Variants in UBE2K observed in about 807,000 individuals in gnomAD.
The protein encoded by UBE2K is ubiquitin conjugating enzyme E2 K, also known as ubiquitin-conjugating enzyme E2 K.
In UBE2K, 6 loss-of-function variants were observed where a neutral mutation model predicts 30.0. That is an observed-to-expected ratio of 0.20 (90% confidence interval 0.11 to 0.39). The LOEUF is 0.39. Ranked by LOEUF, UBE2K falls within the 10% of genes least tolerant of loss-of-function variation. The probability of loss-of-function intolerance (pLI) is 1.00; values close to 1 mark genes in which losing one functional copy is unlikely to be tolerated. For missense variants in UBE2K, 61 were observed against 241.6 expected (o/e 0.25, Z 4.96); for synonymous variants, 86 against 83.7 (o/e 1.03, Z -0.15).
chr4:39,714,309 T>C, intron 1 of UBE2K: 1 of 202,776 alleles, frequency 4.9e-6, no homozygotes. Context: ...CCATCCAGTT[T>C]CTCTTGCCCA....
chr4:39,770,763 C>G, intron 4 of UBE2K: 4 of 1,582,692 alleles, frequency 2.5e-6, no homozygotes, highest in Non-Finnish European at 3.4e-6. Context: ...TCCCAGGCCT[C>G]CAGGGGGCTT....
chr4:39,748,504 G>T (rs1210002218), intron 3 of UBE2K, among the ~76,000 whole-genome samples: 1 of 152,024 alleles, frequency 6.6e-6, no homozygotes, highest in Non-Finnish European at 1.5e-5. Context: ...ACCTGGCCAG[G>T]CATGGTGGCT....
intron 3 of UBE2K, among the ~76,000 whole-genome samples, chr4:39,748,815 TAAC>T (rs1207792290): frequency 1.3e-5 from 2 of 151,664 alleles, no homozygotes; most frequent in Non-Finnish European, 2.9e-5. Context: ...TTTTTTTAAA[TAAC>T]AAAAAAAAAT....
chr4:39,771,467 T>G, intron 4 of UBE2K: 1 of 1,534,940 alleles, frequency 6.5e-7, no homozygotes, highest in Non-Finnish European at 8.7e-7. Context: ...CTGGCCCGGT[T>G]CCGCGCGCTG....
chr4:39,772,829 A>G (rs536313977), intron 4 of UBE2K, among the ~76,000 whole-genome samples: 5 of 151,820 alleles, frequency 3.3e-5, no homozygotes, highest in African/African-American at 1.2e-4. Flanking sequence ...CTGGGATTAC[A>G]GGCACATGCC....
intron 3 of UBE2K, among the ~76,000 whole-genome samples, chr4:39,749,507 T>TAAACA (rs869184324): frequency 3.4e-5 from 5 of 145,222 alleles, no homozygotes; most frequent in African/African-American, 1.3e-4. Flanking sequence ...TGCCAAAAAC[T>TAAACA]AAACAAAACA....
chr4:39,771,387 G>A lies in UBE2K; in HGVS notation c.300-3447G>A, dbSNP rs553022185. 92 of 1,612,038 alleles carry A rather than the reference G, an allele frequency of 5.7e-5. No homozygotes were observed. In the African/African-American group the frequency reaches 9.1e-4, roughly 16 times the overall value. On this transcript the variant is annotated intron_variant, in intron 4 of 6. Coordinates refer to ENST00000261427, the MANE Select transcript of UBE2K (RefSeq NM_005339.5). ...GCTTGTTCATGTTCCGTAGCGTAGC[G>A]GCCTAGTGGCCGGGCAGCTGGAAGC...
intron 1 of UBE2K, among the ~76,000 whole-genome samples, chr4:39,736,079 C>T (rs963627673): frequency 1.3e-5 from 2 of 150,920 alleles, no homozygotes; most frequent in Non-Finnish European, 2.9e-5. Flanking sequence ...ATCTAGTAAT[C>T]AAGTTTAAGA....
At chr4:39,725,757 T>A (rs1256814260) in intron 1 of UBE2K, among the ~76,000 whole-genome samples, 1 of 152,152 alleles carries the variant, frequency 6.6e-6, no homozygotes, top group Admixed American at 6.6e-5. Flanking sequence ...ACCCTCCTGC[T>A]TCAGCCTCCT....
At chr4:39,770,521 C>G (rs1377371636) in intron 4 of UBE2K, 2 of 1,605,646 alleles carry the variant, frequency 1.2e-6, no homozygotes, top group South Asian at 2.2e-5. Flanking sequence ...TGGCTGCCCC[C>G]CGCCCCCCGG....
intron 4 of UBE2K, among the ~76,000 whole-genome samples, chr4:39,773,547 T>C (rs1389017318): frequency 6.6e-6 from 1 of 152,152 alleles, no homozygotes; most frequent in Non-Finnish European, 1.5e-5. Flanking sequence ...AAAGAAAGCC[T>C]CACATGCTAT....
At chr4:39,755,603 C>A in intron 3 of UBE2K, 54 bp from the exon 4 acceptor site, 1 of 1,299,024 alleles carries the variant, frequency 7.7e-7, no homozygotes, top group Non-Finnish European at 1.1e-6. Flanking sequence ...TGTAGTTCTA[C>A]TTAAACTGTT....
chr4:39,778,490 T>C lies in UBE2K; in HGVS notation c.*56T>C. ...TGCCTCTTCTTGAGGAGCACCAACA[T>C]CTGTTATTTTTAGGATTCTGCATAG... On this transcript the variant is annotated 3_prime_UTR_variant, in exon 7 of 7. Transcript: ENST00000261427. 8.5e-7 allele frequency: 1 copy of C among 1,171,364 alleles called. No homozygotes were observed. The highest frequency in any genetic ancestry group is 1.3e-6 in the Non-Finnish European group (1 of 792,848). The allele number at this position is 1,171,364 out of a possible 1,614,324, so 72.6% of individuals were successfully genotyped here. A position where few individuals can be genotyped will look rare whatever the true frequency, so the allele number is the denominator to read the frequency against.
chr4:39,763,151 C>T (rs552564406), intron 4 of UBE2K, among the ~76,000 whole-genome samples: 2 of 149,266 alleles, frequency 1.3e-5, no homozygotes, highest in Admixed American at 1.3e-4. Flanking sequence ...CCATGTTGGC[C>T]AGGCTGGTCT....
At chr4:39,763,111 A>G (rs546067611) in intron 4 of UBE2K, among the ~76,000 whole-genome samples, 17 of 136,938 alleles carry the variant, frequency 1.2e-4, no homozygotes, top group African/African-American at 4.4e-4. Flanking sequence ...CCCAGCTAAT[A>G]TTTGTGTTTT....
At position 39,703,118 on chromosome 4, in the gene UBE2K, G is replaced by A. The variant is rs1015404741; in HGVS notation, c.63+4728G>A. Among the ~76,000 whole-genome samples, 11 of 152,076 alleles carry A rather than the reference G, an allele frequency of 7.2e-5. 1 individual carries two copies. Among genetic ancestry groups the A allele is most frequent in the Non-Finnish European group, 1.3e-4 (9 of 67,994 alleles). On this transcript the variant is annotated intron_variant, in intron 1 of 6. Coordinates refer to ENST00000261427, the MANE Select transcript of UBE2K (RefSeq NM_005339.5). ...AAGCCATTCTGCCTCAGCCTCCCGAGTAGCTTGGATTACAGGCGCCTACTA... is the reference window on the plus strand; with the variant it reads ...AAGCCATTCTGCCTCAGCCTCCCGAATAGCTTGGATTACAGGCGCCTACTA...
intron 1 of UBE2K, among the ~76,000 whole-genome samples, chr4:39,708,337 CAT>C (rs1375392750): frequency 6.6e-6 from 1 of 152,052 alleles, no homozygotes; most frequent in Non-Finnish European, 1.5e-5. Context: ...CATACTCAAA[CAT>C]AGTTTTAGAG....
intron 1 of UBE2K, among the ~76,000 whole-genome samples, chr4:39,702,534 G>A (rs982684769): frequency 2.0e-5 from 3 of 152,054 alleles, no homozygotes; most frequent in African/African-American, 7.2e-5. Context: ...GATTACAGGA[G>A]TGAGCTACTG....
chr4:39,772,101 T>C (rs1014500585), intron 4 of UBE2K, among the ~76,000 whole-genome samples: 16 of 152,174 alleles, frequency 1.1e-4, no homozygotes, highest in Admixed American at 1.3e-4. Flanking sequence ...CCTTCCTAAA[T>C]GCTGGGATTA....
Sources: allele counts gnomAD v4.1 joint callset (sites outside exome capture counted in the v4.1 genomes callset), GRCh38; gene constraint gnomAD v4.1.1; transcripts MANE v1.5; gene names NCBI Gene and HGNC (gene_info 2026-07-23, HGNC 2026-07-21).